The following TNFAIP8L1 variants were observed in gnomAD, a reference collection of about 807,000 sequenced individuals.
The protein encoded by TNFAIP8L1 is TNF alpha induced protein 8 like 1.
For missense variants in TNFAIP8L1, 225 were observed against 266.1 expected (o/e 0.85, Z 1.08); for synonymous variants, 127 against 125.6 (o/e 1.01, Z -0.08).
Position 4,649,850 on chromosome 19 carries a change from C to T in TNFAIP8L1, c.-3-2017C>T, listed in dbSNP as rs537909474. On this transcript the variant is annotated intron_variant, in intron 1 of 1. Transcript: ENST00000327473. ...CCATCCAGCAATTCCCGTGCCTGCC[C>T]TGACCTCAGAGGGCGGCCGAGGGTT... Among the ~76,000 whole-genome samples, 272 of 152,354 alleles carry T rather than the reference C, an allele frequency of 1.8e-3. 1 individual carries two copies. Among genetic ancestry groups the T allele is most frequent in the Non-Finnish European group, 2.8e-3 (192 of 68,040 alleles).
rs546144776 is a variant in TNFAIP8L1, at chr19:4,652,356, G to A, written c.487G>A (p.Ala163Thr). ...CDFLAALYGP[A>T]EPYRSHLRRI... ...CTTCCTGGCTGCGCTCTACGGCCCC[G>A]CCGAGCCCTACCGCTCCCACCTGCG... Residue 163 changes from alanine to threonine, a missense_variant, in exon 2 of 2, where the codon GCC becomes ACC. Transcript: ENST00000327473. 4.1e-5 allele frequency: 63 copies of A among 1,555,184 alleles called. 1 individual carries two copies. In the South Asian group the frequency reaches 5.7e-4, roughly 14 times the overall value.
chr19:4,652,088 G>A lies in TNFAIP8L1; in HGVS notation c.219G>A (p.Leu73=), dbSNP rs1338702550. 2 of 1,602,604 alleles carry A rather than the reference G, an allele frequency of 1.2e-6. No homozygotes were observed. The highest frequency in any genetic ancestry group is 2.3e-5 in the East Asian group (1 of 44,224). ...LVKVALKLGL[L]LRGDQLGGEE... The stretch of plus-strand genomic sequence containing the variant: ...AGGTGGCCCTGAAGCTGGGACTGCT[G>A]CTGCGTGGGGACCAGCTGGGCGGTG... Residue 73 remains leucine (L), a synonymous_variant, in exon 2 of 2, where the codon CTG becomes CTA. Coordinates refer to ENST00000327473, the MANE Select transcript of TNFAIP8L1 (RefSeq NM_152362.3).
At chr19:4,649,363 T>C (rs947854950) in intron 1 of TNFAIP8L1, among the ~76,000 whole-genome samples, 8 of 152,034 alleles carry the variant, frequency 5.3e-5, no homozygotes, top group Non-Finnish European at 1.0e-4. Context: ...AGCTCACAGC[T>C]TAGGGGGCAT....
rs1175012827 is a variant in TNFAIP8L1 at position 4,652,238 on chromosome 19, C to T, written c.369C>T (p.Cys123=). The change falls in exon 2 of 2, where the codon TGC becomes TGT. Residue 123 remains cysteine (C), a synonymous_variant. Transcript: ENST00000327473. The part of the protein sequence containing the change: ...RRVLAAGLLE[C]RDLLHQAVGP... ...TGCTGGCCGCCGGGCTGCTCGAGTG[C>T]CGCGACCTGCTGCACCAGGCCGTGG... 2 of 1,550,884 alleles carry T rather than the reference C, an allele frequency of 1.3e-6. No homozygotes were observed. The highest frequency in any genetic ancestry group is 2.3e-5 in the South Asian group (2 of 85,236).
chr19:4,649,113 A>G (rs2088338713), intron 1 of TNFAIP8L1, among the ~76,000 whole-genome samples: 1 of 151,472 alleles, frequency 6.6e-6, no homozygotes, highest in South Asian at 2.1e-4. Flanking sequence ...TATTTTTAGT[A>G]GAGACGGGGT....
At chr19:4,647,747 C>T (rs1232666775) in intron 1 of TNFAIP8L1, among the ~76,000 whole-genome samples, 1 of 151,046 alleles carries the variant, frequency 6.6e-6, no homozygotes, top group South Asian at 2.1e-4. Context: ...CTCAGCCTCC[C>T]GAGTACCTGG....
chr19:4,644,446 G>A (rs2088291150), intron 1 of TNFAIP8L1, among the ~76,000 whole-genome samples: 1 of 150,920 alleles, frequency 6.6e-6, no homozygotes, highest in Non-Finnish European at 1.5e-5. Flanking sequence ...TCAGGAGGCT[G>A]AGGTGGGAGG....
intron 1 of TNFAIP8L1, among the ~76,000 whole-genome samples, chr19:4,650,311 C>CT (rs1179876106): frequency 6.6e-6 from 1 of 150,698 alleles, no homozygotes; most frequent in Non-Finnish European, 1.5e-5. Flanking sequence ...GGGGGCCAGG[C>CT]TTTGGGGGGT....
rs907820686 is a variant in TNFAIP8L1 at position 4,654,400 on chromosome 19, G to C, written c.*1970G>C. The C allele has an allele frequency of 1.3e-5, 2 of 152,266 alleles. No individual in the cohort carries two copies. The highest frequency in any genetic ancestry group is 1.3e-4 in the Admixed American group (2 of 15,268). 9.4% of individuals were successfully genotyped at this position (152,266 alleles called of 1,614,324 possible). On this transcript the variant is annotated 3_prime_UTR_variant, in exon 2 of 2. Coordinates refer to ENST00000327473, the MANE Select transcript of TNFAIP8L1 (RefSeq NM_152362.3). ...GCTGTGTCACCCAGGCTGGAGTGCA[G>C]TGGTGAAATCTCGGCTCATTGCAGC... is the stretch of plus-strand genomic sequence containing the variant.
At chr19:4,647,391 C>T (rs1599826345) in intron 1 of TNFAIP8L1, among the ~76,000 whole-genome samples, 1 of 133,506 alleles carries the variant, frequency 7.5e-6, no homozygotes, top group East Asian at 2.2e-4. Context: ...TCACTGCAAC[C>T]TCCACCTCCC....
chr19:4,646,558 C>G (rs771454983), intron 1 of TNFAIP8L1, among the ~76,000 whole-genome samples: 8 of 152,026 alleles, frequency 5.3e-5, no homozygotes, highest in Non-Finnish European at 7.4e-5. Flanking sequence ...TTAGCAATCG[C>G]TTTCCATTTT....
In TNFAIP8L1 at chr19:4,652,055, C is replaced by T. The variant is rs1394563355; in HGVS notation, c.186C>T (p.Asn62=). The change falls in exon 2 of 2, where the codon AAC becomes AAT. Residue 62 remains asparagine (N), a synonymous_variant. Coordinates refer to ENST00000327473, the MANE Select transcript of TNFAIP8L1 (RefSeq NM_152362.3). The stretch of plus-strand genomic sequence containing the variant: ...AGGAGGCCCAGAAGATGCTCAAGAA[C>T]CTGGTCAAGGTGGCCCTGAAGCTGG... The part of the protein sequence containing the change: ...SRKEAQKMLK[N]LVKVALKLGL... 5 of 1,612,792 alleles carry T rather than the reference C, an allele frequency of 3.1e-6. No homozygotes were observed. The highest frequency in any genetic ancestry group is 3.4e-6 in the Non-Finnish European group (4 of 1,179,492).
rs1468257732 is a variant in TNFAIP8L1, at chr19:4,652,235, G to A, written c.366G>A (p.Glu122=). 6.5e-6 allele frequency: 10 copies of A among 1,549,756 alleles called. No homozygotes were observed. Among genetic ancestry groups the A allele is most frequent in the Non-Finnish European group, 6.1e-6 (7 of 1,150,716 alleles). The stretch of plus-strand genomic sequence containing the variant: ...GCGTGCTGGCCGCCGGGCTGCTCGA[G>A]TGCCGCGACCTGCTGCACCAGGCCG... ...DRRVLAAGLL[E]CRDLLHQAVG... Residue 122 remains glutamate (E), a synonymous_variant, in exon 2 of 2, where the codon GAG becomes GAA. Transcript: ENST00000327473.
At chr19:4,643,076 G>A (rs191675689) in intron 1 of TNFAIP8L1, among the ~76,000 whole-genome samples, 1 of 151,684 alleles carries the variant, frequency 6.6e-6, no homozygotes, top group Non-Finnish European at 1.5e-5. Context: ...GTCAGGAGTT[G>A]GAGACCAGCC....
At position 4,652,004 on chromosome 19, in the gene TNFAIP8L1, C is replaced by T. The variant is rs2145174048; in HGVS notation, c.135C>T (p.Ala45=). 1 of 1,614,138 alleles carries T rather than the reference C, an allele frequency of 6.2e-7. No homozygotes were observed. Among genetic ancestry groups the T allele is most frequent in the East Asian group, 2.2e-5 (1 of 44,880 alleles). ...SSEVLDELYR[A]TREFTRSRKE... The stretch of plus-strand genomic sequence containing the variant: ...AGGTGCTGGATGAGCTGTACCGCGC[C>T]ACCAGGGAGTTCACGCGCAGCCGCA... Residue 45 remains alanine (A), a synonymous_variant, in exon 2 of 2, where the codon GCC becomes GCT. Coordinates refer to ENST00000327473, the MANE Select transcript of TNFAIP8L1 (RefSeq NM_152362.3).
At chr19:4,646,601 G>A (rs180983272) in intron 1 of TNFAIP8L1, among the ~76,000 whole-genome samples, 5 of 151,258 alleles carry the variant, frequency 3.3e-5, no homozygotes, top group Admixed American at 6.6e-5. Flanking sequence ...CCGCGAGTCC[G>A]CTTTCTGCCC....
At chr19:4,644,761 C>A (rs142856531) in intron 1 of TNFAIP8L1, among the ~76,000 whole-genome samples, 4 of 151,754 alleles carry the variant, frequency 2.6e-5, no homozygotes, top group Admixed American at 1.3e-4. Flanking sequence ...GTGCCACACA[C>A]GGCTAATTTT....
chr19:4,642,919 G>A (rs1326051238), intron 1 of TNFAIP8L1, among the ~76,000 whole-genome samples: 5 of 152,040 alleles, frequency 3.3e-5, no homozygotes, highest in African/African-American at 4.8e-5. Context: ...GAGGACAGAC[G>A]GGGGGCATGG....
At chr19:4,649,567 G>A (rs1055928631) in intron 1 of TNFAIP8L1, among the ~76,000 whole-genome samples, 2 of 152,212 alleles carry the variant, frequency 1.3e-5, no homozygotes, top group African/African-American at 2.4e-5. Context: ...GGCACAGGGA[G>A]TTGGGGTTCA....
Sources: gnomAD v4.1 joint callset for allele counts (sites outside exome capture counted in the v4.1 genomes callset) on GRCh38, gnomAD v4.1.1 for gene constraint, MANE v1.5 for transcripts, NCBI Gene and HGNC (gene_info 2026-07-23, HGNC 2026-07-21) for gene names.